The following FUBP3 variants were observed in gnomAD, a reference collection of about 807,000 sequenced individuals.
FUBP3 encodes far upstream element-binding protein 3.
FUBP3 carries 28 observed loss-of-function variants against 85.6 expected under a neutral mutation model. That is an observed-to-expected ratio of 0.33 (90% CI 0.24 to 0.45). The LOEUF is 0.45. Ranked by LOEUF, FUBP3 falls within the 20% of genes least tolerant of loss-of-function variation. FUBP3 has a pLI of 1.00. For missense variants in FUBP3, 583 were observed against 755.1 expected (o/e 0.77, Z 2.67); for synonymous variants, 271 against 271.4 (o/e 1.00, Z 0.01).
intron 3 of FUBP3, among the ~76,000 whole-genome samples, chr9:130,611,778 T>C (rs1399451433): frequency 6.6e-6 from 1 of 150,816 alleles, no homozygotes; most frequent in Non-Finnish European, 1.5e-5. Context: ...TGAAGGTTTG[T>C]TGAAAAAAGC....
At chr9:130,596,603 C>T (rs1445523356) in intron 2 of FUBP3, 4 of 388,212 alleles carry the variant, frequency 1.0e-5, no homozygotes, top group Non-Finnish European at 2.1e-5. Context: ...CTCGAGTGAT[C>T]CTCCCACCTC....
chr9:130,598,748 G>A (rs1200087659), intron 2 of FUBP3, among the ~76,000 whole-genome samples: 1 of 152,188 alleles, frequency 6.6e-6, no homozygotes, highest in African/African-American at 2.4e-5. Context: ...TAAACACTTT[G>A]TAAATACACA....
intron 2 of FUBP3, among the ~76,000 whole-genome samples, chr9:130,603,363 A>AAC (rs1554738550): frequency 1.4e-5 from 2 of 145,714 alleles, no homozygotes; most frequent in African/African-American, 2.7e-5. Flanking sequence ...AAAAAAAAAA[A>AAC]AAAAACAAAT....
At chr9:130,608,855 C>G (rs1236549730) in intron 2 of FUBP3, among the ~76,000 whole-genome samples, 1 of 152,062 alleles carries the variant, frequency 6.6e-6, no homozygotes, top group African/African-American at 2.4e-5. Context: ...TCTTTACTGT[C>G]CAGTCGGAGA....
At chr9:130,609,883 A>AATGGT in intron 2 of FUBP3, 71 bp from the exon 3 acceptor site, 1 of 1,180,226 alleles carries the variant, frequency 8.5e-7, no homozygotes, top group Non-Finnish European at 1.3e-6. Context: ...AAATGGTAAG[A>AATGGT]ATGGTAAGGA....
chr9:130,632,094 A>G (rs1382863294), intron 15 of FUBP3, 72 bp downstream of exon 15: 2 of 1,478,766 alleles, frequency 1.4e-6, no homozygotes, highest in South Asian at 1.1e-5. Flanking sequence ...GCCGACAGGC[A>G]AGGGTCCGGT....
chr9:130,620,725 C>T (rs1457570661), intron 9 of FUBP3, among the ~76,000 whole-genome samples: 2 of 152,106 alleles, frequency 1.3e-5, no homozygotes, highest in South Asian at 4.1e-4. Flanking sequence ...AGGTAAAAAC[C>T]AAAGTTCAGG....
intron 2 of FUBP3, among the ~76,000 whole-genome samples, chr9:130,603,726 G>A (rs1272832048): frequency 2.0e-5 from 3 of 152,178 alleles, no homozygotes; most frequent in African/African-American, 7.2e-5. Flanking sequence ...CATGTACAAT[G>A]CCTGTTACAT....
Position 130,612,849 on chromosome 9 carries a change from T to C in FUBP3, c.275-107T>C, listed in dbSNP as rs1024630821. The C allele has an allele frequency of 2.3e-5, 18 of 796,966 alleles. No individual in the cohort carries two copies. The allele number at this position is 796,966 out of a possible 1,614,324, so 49.4% of individuals were successfully genotyped here. A position where few individuals can be genotyped will look rare whatever the true frequency, so the allele number is the denominator to read the frequency against. On this transcript the variant is annotated intron_variant, in intron 4 of 18. Coordinates refer to ENST00000319725, the MANE Select transcript of FUBP3 (RefSeq NM_003934.2). The surrounding 1 kb of genome is among the most constrained non-coding windows in gnomAD (Gnocchi z 4.1). ...GGCTCACGGGGGCCAACTCGATGTGTAGTATTGTGAGCCAAGTGTCACAGT... is the reference window on the plus strand; with the variant it reads ...GGCTCACGGGGGCCAACTCGATGTGCAGTATTGTGAGCCAAGTGTCACAGT...
intron 2 of FUBP3, among the ~76,000 whole-genome samples, chr9:130,607,444 C>A (rs1278283777): frequency 1.3e-5 from 2 of 152,154 alleles, no homozygotes; most frequent in African/African-American, 4.8e-5. Flanking sequence ...CCAACGGGAC[C>A]TTTAGAAGCA....
chr9:130,622,984 C>T (rs1829820423), intron 10 of FUBP3, among the ~76,000 whole-genome samples, 174 bp downstream of exon 10: 5 of 152,134 alleles, frequency 3.3e-5, no homozygotes, highest in Admixed American at 3.3e-4. Context: ...TTTCTTCTCC[C>T]AGCCTTCTTT....
intron 1 of FUBP3, among the ~76,000 whole-genome samples, chr9:130,585,988 G>T (rs1830321168): frequency 6.6e-6 from 1 of 152,150 alleles, no homozygotes; most frequent in Admixed American, 6.5e-5. Flanking sequence ...TTATTATAAA[G>T]ATTTTGTTTG....
chr9:130,622,387 T>C (rs1170169237), intron 9 of FUBP3, among the ~76,000 whole-genome samples: 1 of 149,244 alleles, frequency 6.7e-6, no homozygotes, highest in Admixed American at 6.7e-5. Flanking sequence ...ATCCCAGCCC[T>C]TTGGGAGGCC....
intron 1 of FUBP3, among the ~76,000 whole-genome samples, chr9:130,584,295 A>G (rs1830251736): frequency 6.6e-6 from 1 of 151,840 alleles, no homozygotes; most frequent in Non-Finnish European, 1.5e-5. Flanking sequence ...TGGGAGGCCG[A>G]GGTGGGCGGA....
rs764077506 is a variant in FUBP3 at position 130,631,978 on chromosome 9, C to T, written c.1389C>T (p.Asn463=). ...FPPRSSGCFP[N]MAAKVNGNPH... ...CAAGGAGCTCCGGGTGCTTCCCAAA[C>T]ATGGCTGCCAAGGTGAATGGGAACC... The change falls in exon 15 of 19, where the codon AAC becomes AAT. Residue 463 remains asparagine, a synonymous_variant. Coordinates refer to ENST00000319725, the MANE Select transcript of FUBP3 (RefSeq NM_003934.2). 1 of 1,613,816 alleles carries T rather than the reference C, an allele frequency of 6.2e-7. No individual in the cohort carries two copies. The highest frequency in any genetic ancestry group is 8.5e-7 in the Non-Finnish European group (1 of 1,179,652).
Position 130,599,383 on chromosome 9 carries a change from GTATA to G in FUBP3, c.190+3807_190+3810del, listed in dbSNP as rs1208555343. 8.4e-4 allele frequency among the ~76,000 whole-genome samples: 120 copies of G among 142,756 alleles called. 1 individual carries two copies. The highest frequency in any genetic ancestry group is 2.8e-3 in the African/African-American group (102 of 36,764). 93.7% of individuals were successfully genotyped at this position (142,756 alleles called of 152,430 possible). A position where few individuals can be genotyped will look rare whatever the true frequency, so the allele number is the denominator to read the frequency against. On this transcript the variant is annotated intron_variant, in intron 2 of 18. Coordinates refer to ENST00000319725, the MANE Select transcript of FUBP3 (RefSeq NM_003934.2). ...TATGTGTGTGTGTGTGTGTGTGTGT[GTATA>G]TATATATATATGTAAAGTTTTTTTT...
chr9:130,587,665 G>C (rs1406285925), intron 1 of FUBP3, among the ~76,000 whole-genome samples: 1 of 152,106 alleles, frequency 6.6e-6, no homozygotes, highest in Non-Finnish European at 1.5e-5. Context: ...TTGAAACTTT[G>C]AACCACTCCC....
At chr9:130,599,730 G>A (rs1334095743) in intron 2 of FUBP3, among the ~76,000 whole-genome samples, 1 of 152,192 alleles carries the variant, frequency 6.6e-6, no homozygotes, top group Non-Finnish European at 1.5e-5. Context: ...ACCAGTTCAG[G>A]AATCTGCCTT....
In FUBP3 at chr9:130,579,648, T is replaced by TCGGCGG. The variant is rs573526178; in HGVS notation, c.-24_-19dup. On this transcript the variant is annotated 5_prime_UTR_variant, in exon 1 of 19. Coordinates refer to ENST00000319725, the MANE Select transcript of FUBP3 (RefSeq NM_003934.2). ...GAGCCGAGCGGCGGCGTCGGCGGCG[T>TCGGCGG]CGGCGGCGGCGGCGACGGCGGCGGG... is the stretch of plus-strand genomic sequence containing the variant. The TCGGCGG allele has an allele frequency of 8.4e-5, 102 of 1,209,938 alleles. No individual in the cohort carries two copies. Among genetic ancestry groups the TCGGCGG allele is most frequent in the Middle Eastern group, 3.1e-4 (1 of 3,248 alleles). The allele number at this position is 1,209,938 out of a possible 1,614,324, so 75.0% of individuals were successfully genotyped here. A position where few individuals can be genotyped will look rare whatever the true frequency, so the allele number is the denominator to read the frequency against.
Sources: allele counts gnomAD v4.1 joint callset (sites outside exome capture counted in the v4.1 genomes callset), GRCh38; gene constraint gnomAD v4.1.1; non-coding constraint Gnocchi (gnomAD v3.1); transcripts MANE v1.5; gene names NCBI Gene and HGNC (gene_info 2026-07-23, HGNC 2026-07-21).